The following ZNF469 variants were observed in gnomAD, a reference collection of about 807,000 sequenced individuals.
ZNF469 encodes the protein zinc finger protein 469.
In ZNF469, 1 loss-of-function variant was observed where a neutral mutation model predicts 1.0. The observed-to-expected ratio is 1.00, with a 90% CI of 0.35 to 4.73. ZNF469 has a LOEUF of 4.73. ZNF469 is among the 30% of genes most tolerant of loss of function. ZNF469 has a pLI of 0.16. For missense variants in ZNF469, 6,100 were observed against 5,356.3 expected, an observed-to-expected ratio of 1.14 and a Z score of -4.33; for synonymous variants, 2,703 against 2,363.4, an observed-to-expected ratio of 1.14 and a Z score of -4.17.
rs965130423 is a variant in ZNF469 at position 88,438,964 on chromosome 16, G to A, written c.11494G>A (p.Gly3832Arg). 3 of 1,550,278 alleles carry A rather than the reference G, an allele frequency of 1.9e-6. No homozygotes were observed. The highest frequency in any genetic ancestry group is 1.4e-5 in the African/African-American group (1 of 73,060). ...VPGPARSESV[G>R]SFGRAPSAPD... The stretch of plus-strand genomic sequence containing the variant: ...AGGGCCAGCCAGGAGTGAAAGTGTG[G>A]GGAGCTTCGGGAGAGCCCCCTCAGC... Residue 3832 changes from glycine to arginine, a missense_variant, in exon 3 of 3, where the codon GGG (glycine) becomes AGG (arginine). Gly to Arg is a moderately radical substitution (Grantham distance 125, BLOSUM62 -2). Transcript: ENST00000565624.
rs1048356309 is a variant in ZNF469, at chr16:88,431,453, T to C, written c.3983T>C (p.Leu1328Pro). The stretch of plus-strand genomic sequence containing the variant: ...CCTGCCCGCCAGCCTGGAGAATTTC[T>C]GGCACCCGTGGCTAACCCCTCAAGT... The part of the protein sequence containing the change: ...DPPARQPGEF[L>P]APVANPSSTA... The change falls in exon 3 of 3, where the codon CTG becomes CCG. Residue 1328 changes from leucine (L) to proline (P), a missense_variant. By Grantham distance (98) the Leu-to-Pro change is moderately conservative (BLOSUM62 -3). Coordinates refer to ENST00000565624, the MANE Select transcript of ZNF469 (RefSeq NM_001367624.2). 3 of 1,550,412 alleles carry C rather than the reference T, an allele frequency of 1.9e-6. No individual in the cohort carries two copies. Among genetic ancestry groups the C allele is most frequent in the Non-Finnish European group, 2.6e-6 (3 of 1,146,992 alleles).
the ZNF469 span, among the ~76,000 whole-genome samples, chr16:88,292,066 G>A: frequency 6.6e-6 from 1 of 152,218 alleles, no homozygotes; most frequent in Admixed American, 6.5e-5. Context: ...AGAACATGAA[G>A]TGGATCTGGA....
chr16:88,280,921 T>C, the ZNF469 span, among the ~76,000 whole-genome samples: 9 of 151,726 alleles, frequency 5.9e-5, no homozygotes, highest in African/African-American at 2.2e-4. Flanking sequence ...CATGGGTTAG[T>C]GCTGTGCTAT....
the ZNF469 span, among the ~76,000 whole-genome samples, chr16:88,185,832 C>T: frequency 3.6e-3 from 544 of 152,196 alleles, 9 homozygotes; most frequent in East Asian, 0.024. Flanking sequence ...CCCAGACCTA[C>T]AGACACACTC....
chr16:88,295,662 C>T, the ZNF469 span, among the ~76,000 whole-genome samples: 1 of 152,180 alleles, frequency 6.6e-6, no homozygotes, highest in African/African-American at 2.4e-5. Flanking sequence ...ACGGCCTACA[C>T]TCGGTGCACA....
At chr16:88,367,949 C>T in the ZNF469 span, among the ~76,000 whole-genome samples, 4 of 152,336 alleles carry the variant, frequency 2.6e-5, no homozygotes, top group East Asian at 7.7e-4. Context: ...ACACAGAGAC[C>T]CGCATTCTTA....
At chr16:88,345,399 G>A in the ZNF469 span, among the ~76,000 whole-genome samples, 1 of 152,164 alleles carries the variant, frequency 6.6e-6, no homozygotes, top group African/African-American at 2.4e-5. Flanking sequence ...TTAAATGTAA[G>A]CAGCTCCGTG....
chr16:88,157,469 C>T, the ZNF469 span, among the ~76,000 whole-genome samples: 5 of 152,252 alleles, frequency 3.3e-5, no homozygotes, highest in African/African-American at 1.2e-4. Context: ...GGGCTCTCCT[C>T]TGTGTCACTG....
chr16:88,243,946 ATAT>A, the ZNF469 span, among the ~76,000 whole-genome samples: 296 of 119,242 alleles, frequency 2.5e-3, 21 homozygotes, highest in Non-Finnish European at 3.8e-3. Flanking sequence ...ATATATATAT[ATAT>A]ATAAATGTAT....
Position 88,430,528 on chromosome 16 carries a change from G to A in ZNF469, c.3058G>A (p.Glu1020Lys), listed in dbSNP as rs1906080155. Residue 1020 changes from glutamate (E) to lysine (K), a missense_variant, in exon 3 of 3, where the codon GAG becomes AAG. Physicochemically the swap from Glu to Lys is moderately conservative, Grantham distance 56. Transcript: ENST00000565624. ...GGTCCCGAGAGCCGCCGCCCTCCCC[G>A]AGGAGACCCGCAGCTCCCGGCGCCG... ...PRVPRAAALP[E>K]ETRSSRRRRL... The A allele has an allele frequency of 2.1e-6, 3 of 1,458,224 alleles. No homozygotes were observed. The highest frequency in any genetic ancestry group is 2.7e-6 in the Non-Finnish European group (3 of 1,113,550). The allele number at this position is 1,458,224 out of a possible 1,614,324, so 90.3% of individuals were successfully genotyped here.
chr16:88,345,689 C>A, the ZNF469 span, among the ~76,000 whole-genome samples: 1 of 152,184 alleles, frequency 6.6e-6, no homozygotes, highest in Non-Finnish European at 1.5e-5. Flanking sequence ...CAGGGAAGGG[C>A]GCTTTCCAAA....
At chr16:88,262,289 G>T in the ZNF469 span, among the ~76,000 whole-genome samples, 18 of 152,360 alleles carry the variant, frequency 1.2e-4, no homozygotes, top group East Asian at 3.5e-3. This position sits in a 1 kb window ranked among gnomAD's most constrained non-coding sequence, Gnocchi z 4.3. Context: ...ATACTCCAGA[G>T]GGTTTTGAAG....
chr16:88,183,266 A>C, the ZNF469 span, among the ~76,000 whole-genome samples: 1 of 152,182 alleles, frequency 6.6e-6, no homozygotes, highest in South Asian at 2.1e-4. Context: ...TGAGCTGATG[A>C]GTTGAACGTA....
chr16:88,351,867 C>T, the ZNF469 span, among the ~76,000 whole-genome samples: 2 of 152,252 alleles, frequency 1.3e-5, no homozygotes, highest in Non-Finnish European at 2.9e-5. Context: ...GTGCTCGCTC[C>T]AGCATCTCAT....
intron 1 of ZNF469, among the ~76,000 whole-genome samples, chr16:88,385,382 T>G (rs1259460864): frequency 6.6e-6 from 1 of 152,034 alleles, no homozygotes; most frequent in African/African-American, 2.4e-5. Flanking sequence ...GGCTGTGTAA[T>G]CCCTGCAATT....
the ZNF469 span, among the ~76,000 whole-genome samples, chr16:88,214,696 C>T: frequency 1.3e-5 from 2 of 152,126 alleles, no homozygotes; most frequent in African/African-American, 2.4e-5. Context: ...ATGTTCCCCT[C>T]CCTGTGTCCA....
chr16:88,203,781 G>T, the ZNF469 span, among the ~76,000 whole-genome samples: 1 of 152,036 alleles, frequency 6.6e-6, no homozygotes. Context: ...TAAAGACACT[G>T]GTCATTGGAT....
chr16:88,435,869 T>G lies in ZNF469; in HGVS notation c.8399T>G (p.Leu2800Arg). ...WEENTPPLGP[L>R]GFPETSSSPA... ...GAGAACACGCCCCCCTTGGGCCCCC[T>G]GGGTTTTCCCGAGACTTCCAGCTCT... Residue 2800 changes from leucine to arginine, a missense_variant, in exon 3 of 3, where the codon CTG becomes CGG. Transcript: ENST00000565624. 6.5e-7 allele frequency: 1 copy of G among 1,550,230 alleles called. No individual in the cohort carries two copies. Among genetic ancestry groups the G allele is most frequent in the South Asian group, 1.2e-5 (1 of 84,064 alleles).
At chr16:88,188,736 C>G in the ZNF469 span, among the ~76,000 whole-genome samples, 3 of 152,188 alleles carry the variant, frequency 2.0e-5, no homozygotes, top group African/African-American at 7.2e-5. Context: ...CCCTGTAGCT[C>G]TCGGGAGCCC....
Sources: gnomAD v4.1 joint callset for allele counts (sites outside exome capture counted in the v4.1 genomes callset) on GRCh38, gnomAD v4.1.1 for gene constraint, Gnocchi (gnomAD v3.1) non-coding constraint, MANE v1.5 for transcripts, NCBI Gene and HGNC (gene_info 2026-07-23, HGNC 2026-07-21) for gene names.